The following SYNPR variants were observed in gnomAD, a reference collection of about 807,000 sequenced individuals.
The protein encoded by SYNPR is synaptoporin.
Under a neutral mutation model 32.9 loss-of-function variants are expected in SYNPR, and 23 were observed. The ratio of observed to expected loss-of-function variants is 0.70; its 90% confidence interval spans 0.50 to 0.99. The LOEUF is 0.99. Among genes scored for constraint, SYNPR ranks in the 50% least tolerant of loss-of-function variants. SYNPR has a pLI of 0.00. For missense variants in SYNPR, 318 were observed against 349.3 expected (o/e 0.91, Z 0.71); for synonymous variants, 146 against 135.9 (o/e 1.07, Z -0.52).
the SYNPR span, among the ~76,000 whole-genome samples, chr3:63,219,704 C>A: frequency 0.01 from 1,585 of 152,130 alleles, 13 homozygotes; most frequent in Admixed American, 0.016. Context: ...ATTTAAAATT[C>A]ATAAGGAAAA....
chr3:63,502,641 C>A (rs1404935273), intron 3 of SYNPR, among the ~76,000 whole-genome samples: 2 of 152,166 alleles, frequency 1.3e-5, no homozygotes, highest in Non-Finnish European at 2.9e-5. Flanking sequence ...TAGTTGAAGT[C>A]ATACAGTATG....
intron 2 of SYNPR, among the ~76,000 whole-genome samples, chr3:63,307,875 G>C (rs182765794): frequency 1.3e-5 from 2 of 151,984 alleles, no homozygotes; most frequent in East Asian, 3.9e-4. Flanking sequence ...ATTGCATTTG[G>C]TACTGAGGGA....
chr3:63,564,195 C>CTT (rs151331065), intron 4 of SYNPR, among the ~76,000 whole-genome samples: 5,284 of 137,692 alleles, frequency 0.038, 376 homozygotes, highest in African/African-American at 0.13. Context: ...GTGTGTCTTT[C>CTT]TTTTTTTTTT....
intron 3 of SYNPR, among the ~76,000 whole-genome samples, chr3:63,268,700 CTCA>C (rs2086511030): frequency 6.6e-6 from 1 of 151,360 alleles, no homozygotes; most frequent in Non-Finnish European, 1.5e-5. Flanking sequence ...ATCTTGCTGT[CTCA>C]GGGGTGGTGG....
chr3:63,511,152 C>T (rs28712496), intron 3 of SYNPR, among the ~76,000 whole-genome samples: 1 of 59,236 alleles, frequency 1.7e-5, no homozygotes, highest in Admixed American at 1.7e-4. Flanking sequence ...ACCCTGAGTA[C>T]TGGGAATCAT....
rs184781880 is a variant in SYNPR, at chr3:63,392,207, A to T, written c.85-88625A>T. 7.2e-5 allele frequency among the ~76,000 whole-genome samples: 11 copies of T among 152,332 alleles called. No homozygotes were observed. The East Asian group carries it at 2.1e-3, about 29-fold the overall frequency. The stretch of plus-strand genomic sequence containing the variant: ...CTTCTTTAATGTCATGCATTAGTAT[A>T]CTCAAAGTGGAATATTAGGTTGCCT... On this transcript the variant is annotated intron_variant, in intron 2 of 5. Transcript: ENST00000478300.
upstream of SYNPR, among the ~76,000 whole-genome samples, chr3:63,226,243 T>A (rs2086127368): frequency 6.6e-6 from 1 of 152,128 alleles, no homozygotes. Flanking sequence ...CTCTTATACA[T>A]TGTTAGTGGG....
At chr3:63,397,798 TC>T (rs1213338670) in intron 2 of SYNPR, among the ~76,000 whole-genome samples, 1 of 152,220 alleles carries the variant, frequency 6.6e-6, no homozygotes, top group Non-Finnish European at 1.5e-5. Context: ...GATGATAGCT[TC>T]CTCAAAAAAT....
intron 2 of SYNPR, among the ~76,000 whole-genome samples, chr3:63,425,032 G>A (rs998457459): frequency 2.0e-5 from 3 of 152,268 alleles, no homozygotes; most frequent in South Asian, 2.1e-4. Context: ...CAGGGAGGAG[G>A]GGAAAGTGTG....
chr3:63,429,127 T>A (rs1699940578), intron 2 of SYNPR, among the ~76,000 whole-genome samples: 2 of 152,170 alleles, frequency 1.3e-5, no homozygotes, highest in African/African-American at 4.8e-5. Context: ...GTTTGTTATT[T>A]CATATAGGTG....
intron 2 of SYNPR, among the ~76,000 whole-genome samples, chr3:63,253,208 T>C (rs1385950137): frequency 1.3e-5 from 2 of 152,110 alleles, no homozygotes; most frequent in Admixed American, 1.3e-4. Flanking sequence ...TAAATTTTAA[T>C]AGCAGCTAAA....
intron 4 of SYNPR, among the ~76,000 whole-genome samples, chr3:63,607,141 C>T (rs1280597574): frequency 1.3e-5 from 2 of 152,008 alleles, no homozygotes; most frequent in East Asian, 1.9e-4. Context: ...ATAATGAAAA[C>T]CATCATACTA....
At chr3:63,399,079 C>T (rs1274615740) in intron 2 of SYNPR, among the ~76,000 whole-genome samples, 1 of 152,168 alleles carries the variant, frequency 6.6e-6, no homozygotes, top group Non-Finnish European at 1.5e-5. Flanking sequence ...GGCAGGAATA[C>T]ATCAATGTTC....
chr3:63,386,521 T>C (rs563370429), intron 2 of SYNPR, among the ~76,000 whole-genome samples: 19 of 152,334 alleles, frequency 1.2e-4, no homozygotes, highest in African/African-American at 4.3e-4. Context: ...AATTGTAATA[T>C]AGTCTGGCAC....
At chr3:63,406,989 T>A (rs1277363846) in intron 2 of SYNPR, among the ~76,000 whole-genome samples, 1 of 152,212 alleles carries the variant, frequency 6.6e-6, no homozygotes, top group East Asian at 1.9e-4. Context: ...TTTTGGACTT[T>A]ATAATACTTT....
chr3:63,489,559 A>C (rs1345214093), intron 3 of SYNPR, among the ~76,000 whole-genome samples: 1 of 152,092 alleles, frequency 6.6e-6, no homozygotes, highest in Non-Finnish European at 1.5e-5. Flanking sequence ...ATTCTTATTA[A>C]TTTTTTATTA....
chr3:63,498,036 A>G (rs780830455), intron 3 of SYNPR, among the ~76,000 whole-genome samples: 1 of 152,206 alleles, frequency 6.6e-6, no homozygotes, highest in Admixed American at 6.5e-5. Flanking sequence ...CTCACTGTAC[A>G]TCAGCAGAAA....
chr3:63,466,812 T>G (rs1700691417), intron 2 of SYNPR, among the ~76,000 whole-genome samples: 1 of 137,116 alleles, frequency 7.3e-6, no homozygotes. Flanking sequence ...AAATCGGGCC[T>G]CATCCTTATG....
upstream of SYNPR, among the ~76,000 whole-genome samples, chr3:63,223,982 A>G (rs935534752): frequency 6.6e-6 from 1 of 152,212 alleles, no homozygotes; most frequent in Non-Finnish European, 1.5e-5. Context: ...TATTTACTTC[A>G]AAAAGTGAAT....
Sources: gnomAD v4.1 joint callset for allele counts (sites outside exome capture counted in the v4.1 genomes callset) on GRCh38, gnomAD v4.1.1 for gene constraint, MANE v1.5 for transcripts, NCBI Gene and HGNC (gene_info 2026-07-23, HGNC 2026-07-21) for gene names.